Variants in NECTIN2 observed in about 807,000 individuals in gnomAD.
NECTIN2 encodes nectin-2.
In NECTIN2, 23 loss-of-function variants were observed where a neutral mutation model predicts 56.9. That is an observed-to-expected ratio of 0.40 (90% CI 0.29 to 0.57). The LOEUF is 0.57. Ranked by LOEUF, NECTIN2 falls within the 20% of genes least tolerant of loss-of-function variation. NECTIN2 has a pLI of 0.38. For missense variants in NECTIN2, 587 were observed against 718.3 expected, an observed-to-expected ratio of 0.82 and a Z score of 2.09; for synonymous variants, 302 against 313.8, an observed-to-expected ratio of 0.96 and a Z score of 0.40.
In NECTIN2 at chr19:44,872,016, C is replaced by G; in HGVS notation, c.642C>G (p.Ala214=). The change falls in exon 3 of 9, where the codon GCC becomes GCG. Residue 214 remains alanine (A), a synonymous_variant. Coordinates refer to ENST00000252483, the MANE Select transcript of NECTIN2 (RefSeq NM_001042724.2). The part of the protein sequence containing the change: ...AKETQVSGTL[A]GTVTVTSRFT... ...AGACTCAGGTGTCAGGGACCCTGGC[C>G]GGAACTGTCACTGTCACCAGCCGCT... 6.2e-7 allele frequency: 1 copy of G among 1,614,146 alleles called. No homozygotes were observed. Among genetic ancestry groups the G allele is most frequent in the Non-Finnish European group, 8.5e-7 (1 of 1,180,046 alleles).
At chr19:44,847,917 G>A (rs777163828) in intron 1 of NECTIN2, among the ~76,000 whole-genome samples, 3 of 152,074 alleles carry the variant, frequency 2.0e-5, no homozygotes, top group Non-Finnish European at 4.4e-5. Flanking sequence ...TAGGGGAGGA[G>A]AGCGGCCCCC....
chr19:44,879,739 C>CG (rs1362436836), intron 5 of NECTIN2, among the ~76,000 whole-genome samples: 1 of 152,144 alleles, frequency 6.6e-6, no homozygotes, highest in Non-Finnish European at 1.5e-5. Flanking sequence ...CTCTGTAACA[C>CG]GGGGCAGGTG....
intron 6 of NECTIN2, among the ~76,000 whole-genome samples, chr19:44,884,086 G>T (rs1396772177): frequency 1.3e-5 from 2 of 151,702 alleles, no homozygotes; most frequent in Non-Finnish European, 2.9e-5. Context: ...CTCCAGTCTG[G>T]CCAACAGAGT....
At chr19:44,878,205 CCTT>C (rs963985359) in intron 5 of NECTIN2, 22 of 644,900 alleles carry the variant, frequency 3.4e-5, no homozygotes, top group African/African-American at 2.8e-4. Context: ...TCTCACCCCT[CCTT>C]CTCTCTCTCC....
At chr19:44,864,745 G>A (rs1408589562) in intron 1 of NECTIN2, among the ~76,000 whole-genome samples, 2 of 151,974 alleles carry the variant, frequency 1.3e-5, no homozygotes, top group East Asian at 1.9e-4. Context: ...GGAGAATGGC[G>A]TGAACCCAGG....
intron 6 of NECTIN2, among the ~76,000 whole-genome samples, chr19:44,885,055 G>A (rs1969344895): frequency 6.6e-6 from 1 of 151,432 alleles, no homozygotes; most frequent in South Asian, 2.1e-4. Flanking sequence ...GGAGTGCAAT[G>A]GCGCGATCTC....
rs184531890 is a variant in NECTIN2, at chr19:44,888,836, C to G, written c.*457C>G. ...TCCAGGCAGCAGGGTCCCACTTACC[C>G]CCTCCCCACCCTGTTCCCCAAAGGT... On this transcript the variant is annotated 3_prime_UTR_variant, in exon 9 of 9. Coordinates refer to ENST00000252483, the MANE Select transcript of NECTIN2 (RefSeq NM_001042724.2). The G allele has an allele frequency of 3.9e-3, 620 of 158,904 alleles. No individual in the cohort carries two copies. Among genetic ancestry groups the G allele is most frequent in the African/African-American group, 0.014 (585 of 41,730 alleles). 9.8% of individuals were successfully genotyped at this position (158,904 alleles called of 1,614,324 possible).
chr19:44,882,338 G>A lies in NECTIN2; in HGVS notation c.1170G>A (p.Thr390=), dbSNP rs754688954. The change falls in exon 6 of 9, where the codon ACG becomes ACA. Residue 390 remains threonine, a synonymous_variant. Transcript: ENST00000252483. ...GCCGGCAGCAGCGGAAGGAGCAGAC[G>A]CTGCAGGGGGCAGAGGAGGACGAAG... ...LICRQQRKEQ[T]LQGAEEDEDL... is the part of the protein sequence containing the mutation. 11 of 1,513,752 alleles carry A rather than the reference G, an allele frequency of 7.3e-6. No homozygotes were observed. Among genetic ancestry groups the A allele is most frequent in the East Asian group, 5.1e-5 (2 of 39,302 alleles). 93.8% of individuals were successfully genotyped at this position (1,513,752 alleles called of 1,614,324 possible).
chr19:44,877,290 A>AGGGAT (rs1303454200), intron 5 of NECTIN2, among the ~76,000 whole-genome samples: 1 of 152,032 alleles, frequency 6.6e-6, no homozygotes, highest in Non-Finnish European at 1.5e-5. Flanking sequence ...CCTTGCATGC[A>AGGGAT]GGGATGGGGG....
chr19:44,867,135 C>T (rs1969110427), intron 2 of NECTIN2, among the ~76,000 whole-genome samples: 1 of 152,070 alleles, frequency 6.6e-6, no homozygotes, highest in Non-Finnish European at 1.5e-5. Context: ...TCTCCTGCCT[C>T]AGCCTCCCAA....
chr19:44,849,179 G>T (rs1045107397), intron 1 of NECTIN2, among the ~76,000 whole-genome samples: 1 of 152,094 alleles, frequency 6.6e-6, no homozygotes, highest in Admixed American at 6.6e-5. Context: ...TGGAATCAGA[G>T]GATAGAAGGG....
Position 44,875,849 on chromosome 19 carries a change from C to T in NECTIN2, c.1042+1371C>T, listed in dbSNP as rs940819937. Reference sequence around the variant, plus strand: ...CAGCCAGGGAGATAGGACACCCCTACGGGAAACACTGTCACAGACAGCAAA... The same window carrying T: ...CAGCCAGGGAGATAGGACACCCCTATGGGAAACACTGTCACAGACAGCAAA... On this transcript the variant is annotated intron_variant, in intron 5 of 8. Coordinates refer to ENST00000252483, the MANE Select transcript of NECTIN2 (RefSeq NM_001042724.2). This position sits in a 1 kb window ranked among gnomAD's most constrained non-coding sequence, Gnocchi z 4.2. Among the ~76,000 whole-genome samples, 2 of 152,216 alleles carry T rather than the reference C, an allele frequency of 1.3e-5. No homozygotes were observed. Among genetic ancestry groups the T allele is most frequent in the African/African-American group, 2.4e-5 (1 of 41,452 alleles).
At chr19:44,878,739 T>C in intron 5 of NECTIN2, 1 of 1,463,580 alleles carries the variant, frequency 6.8e-7, no homozygotes, top group Non-Finnish European at 9.0e-7. Flanking sequence ...AGTGGAACAC[T>C]GCCTCCCACT....
chr19:44,865,738 T>A lies in NECTIN2; in HGVS notation c.478+78T>A, dbSNP rs1969093800. On this transcript the variant is annotated intron_variant, in intron 2 of 8. Transcript: ENST00000252483. This position sits in a 1 kb window ranked among gnomAD's most constrained non-coding sequence, Gnocchi z 5.2. ...GCATCCCCTTGCGGGTCAGTTTCTC[T>A]CTTGGCTTCAGCTGTGAGGTTCACA... is the stretch of plus-strand genomic sequence containing the variant. 8.6e-6 allele frequency: 12 copies of A among 1,403,270 alleles called. No homozygotes were observed. In the East Asian group the frequency reaches 3.0e-4, roughly 35 times the overall value. 86.9% of individuals were successfully genotyped at this position (1,403,270 alleles called of 1,614,324 possible).
At chr19:44,868,346 T>G (rs149712379) in intron 2 of NECTIN2, among the ~76,000 whole-genome samples, 11 of 133,812 alleles carry the variant, frequency 8.2e-5, no homozygotes, top group African/African-American at 1.1e-4. Flanking sequence ...CACGAGACCC[T>G]GTCTCAAAAA....
chr19:44,881,302 G>T (rs1051824867), intron 5 of NECTIN2, among the ~76,000 whole-genome samples: 6 of 151,980 alleles, frequency 3.9e-5, no homozygotes, highest in Non-Finnish European at 5.9e-5. Context: ...TCTTCTAGCC[G>T]CCCCTGGTCC....
intron 6 of NECTIN2, among the ~76,000 whole-genome samples, chr19:44,882,779 CT>C (rs1969322174): frequency 2.2e-5 from 2 of 91,882 alleles, no homozygotes; most frequent in African/African-American, 4.6e-5. Flanking sequence ...CAGGATCCTA[CT>C]ACATTTTTTT....
intron 1 of NECTIN2, among the ~76,000 whole-genome samples, chr19:44,860,942 C>T (rs965376423): frequency 2.8e-5 from 4 of 140,514 alleles, no homozygotes; most frequent in Non-Finnish European, 4.7e-5. Context: ...ATTTATATCT[C>T]GATAAAGCTG....
chr19:44,875,265 A>G lies in NECTIN2; in HGVS notation c.1042+787A>G, dbSNP rs907934154. On this transcript the variant is annotated intron_variant, in intron 5 of 8. Transcript: ENST00000252483. This position sits in a 1 kb window ranked among gnomAD's most constrained non-coding sequence, Gnocchi z 4.2. ...AGCCAGATGACACCTGGAAAGGGAC[A>G]TTCTTTTTTTTTTTTTTTGAGATGG... Among the ~76,000 whole-genome samples the G allele has an allele frequency of 1.4e-5, 2 of 145,284 alleles. No individual in the cohort carries two copies. Among genetic ancestry groups the G allele is most frequent in the Admixed American group, 1.4e-4 (2 of 14,592 alleles).
Sources: gnomAD v4.1 joint callset for allele counts (sites outside exome capture counted in the v4.1 genomes callset) on GRCh38, gnomAD v4.1.1 for gene constraint, Gnocchi (gnomAD v3.1) non-coding constraint, MANE v1.5 for transcripts, NCBI Gene and HGNC (gene_info 2026-07-23, HGNC 2026-07-21) for gene names.